The following SNTG2 variants were observed in gnomAD, a reference collection of about 807,000 sequenced individuals.
SNTG2 encodes the protein gamma-2-syntrophin.
SNTG2 carries 74 observed loss-of-function variants against 70.9 expected under a neutral mutation model. That is an observed-to-expected ratio of 1.04 (90% CI 0.86 to 1.27). The LOEUF (loss-of-function observed/expected upper bound fraction) is 1.27. SNTG2 is among the 50% of genes most tolerant of loss of function. The pLI, the probability that SNTG2 is intolerant of heterozygous loss-of-function variation, is 0.00. For synonymous variants in SNTG2, 278 were observed against 273.8 expected (o/e 1.02, Z -0.15); for missense variants, 717 against 690.7 (o/e 1.04, Z -0.43).
chr2:1,018,531 A>G (rs879521133), intron 1 of SNTG2, among the ~76,000 whole-genome samples: 12 of 151,866 alleles, frequency 7.9e-5, no homozygotes, highest in Non-Finnish European at 1.5e-4. Flanking sequence ...GGGAGGGGAG[A>G]GTGCATGGTG....
chr2:1,202,093 C>A (rs900291407), intron 8 of SNTG2, among the ~76,000 whole-genome samples: 1 of 152,016 alleles, frequency 6.6e-6, no homozygotes, highest in African/African-American at 2.4e-5. Context: ...GGACATTAAA[C>A]CACGTGGAAA....
intron 1 of SNTG2, among the ~76,000 whole-genome samples, chr2:957,666 G>A (rs915941404): frequency 6.6e-6 from 1 of 152,058 alleles, no homozygotes; most frequent in Non-Finnish European, 1.5e-5. Context: ...CTATAGATGA[G>A]GTCGGGCAAC....
intron 11 of SNTG2, among the ~76,000 whole-genome samples, chr2:1,241,265 C>T (rs914910080): frequency 1.3e-5 from 2 of 152,176 alleles, no homozygotes; most frequent in Non-Finnish European, 2.9e-5. Context: ...CGTCCTCTCC[C>T]GACCCTCAGA....
At chr2:1,145,902 T>C (rs1426242659) in intron 6 of SNTG2, among the ~76,000 whole-genome samples, 1 of 152,188 alleles carries the variant, frequency 6.6e-6, no homozygotes, top group Admixed American at 6.5e-5. Flanking sequence ...AGTTCAGCAT[T>C]TGGAAATTAA....
At chr2:1,140,847 A>G (rs34506148) in intron 6 of SNTG2, among the ~76,000 whole-genome samples, 20,018 of 108,712 alleles carry the variant, frequency 0.18, 1,690 homozygotes, top group East Asian at 0.28. Flanking sequence ...ACCTAATTGG[A>G]AAAAAAAAGT....
intron 12 of SNTG2, among the ~76,000 whole-genome samples, chr2:1,249,754 A>C (rs1044430261): frequency 8.5e-5 from 13 of 152,210 alleles, no homozygotes; most frequent in African/African-American, 2.7e-4. Context: ...ATGTATCTAA[A>C]TTTTAAGTTG....
intron 8 of SNTG2, among the ~76,000 whole-genome samples, chr2:1,192,992 T>C (rs1672693676): frequency 6.6e-6 from 1 of 152,188 alleles, no homozygotes; most frequent in Non-Finnish European, 1.5e-5. Context: ...CTAGTCCATG[T>C]GAAAGGCTCA....
chr2:1,217,709 G>C (rs571836118), intron 9 of SNTG2, among the ~76,000 whole-genome samples: 3 of 152,118 alleles, frequency 2.0e-5, no homozygotes, highest in Non-Finnish European at 4.4e-5. Context: ...GTACATTTCT[G>C]TTATGTAGAA....
rs551589531 is a variant in SNTG2 at position 1,279,104 on chromosome 2, CCT to C, written c.1284+11534_1284+11535del. On this transcript the variant is annotated intron_variant, in intron 14 of 16. Coordinates refer to ENST00000308624, the MANE Select transcript of SNTG2 (RefSeq NM_018968.4). ...CCCCTCTGTCAGTGCGCGAATCACC[CCT>C]GTCAGCGCGCGAATCACCCGTCAGT... Among the ~76,000 whole-genome samples the C allele has an allele frequency of 2.6e-4, 39 of 148,898 alleles. 1 individual carries two copies. Among genetic ancestry groups the C allele is most frequent in the South Asian group, 8.7e-4 (4 of 4,606 alleles).
intron 16 of SNTG2, among the ~76,000 whole-genome samples, chr2:1,362,621 A>G (rs78835435): frequency 0.68 from 72,044 of 105,578 alleles, 24,286 homozygotes; most frequent in East Asian, 0.93. Flanking sequence ...GGTCACCGAC[A>G]CTGAGCATTT....
chr2:1,060,476 C>T (rs1662743514), intron 1 of SNTG2, among the ~76,000 whole-genome samples: 1 of 152,152 alleles, frequency 6.6e-6, no homozygotes, highest in Non-Finnish European at 1.5e-5. Flanking sequence ...ATGAGAACCC[C>T]AGCTCCCGGC....
chr2:1,087,101 C>A (rs1329888556), intron 2 of SNTG2, among the ~76,000 whole-genome samples: 1 of 152,098 alleles, frequency 6.6e-6, no homozygotes, highest in African/African-American at 2.4e-5. Flanking sequence ...GTCAAGGAGG[C>A]AGGGCTGACA....
At chr2:1,263,861 G>A (rs1678582591) in intron 13 of SNTG2, among the ~76,000 whole-genome samples, 1 of 152,128 alleles carries the variant, frequency 6.6e-6, no homozygotes, top group Admixed American at 6.5e-5. Context: ...AGATCAAACA[G>A]CTAATACTGG....
At chr2:1,150,928 C>T (rs1470475249) in intron 6 of SNTG2, among the ~76,000 whole-genome samples, 1 of 152,178 alleles carries the variant, frequency 6.6e-6, no homozygotes, top group Non-Finnish European at 1.5e-5. Flanking sequence ...AACCGAGCTC[C>T]AACCCCACAG....
chr2:997,984 C>G (rs1661748554), intron 1 of SNTG2, among the ~76,000 whole-genome samples: 2 of 152,146 alleles, frequency 1.3e-5, no homozygotes, highest in Non-Finnish European at 2.9e-5. Flanking sequence ...GGCTGTTAGC[C>G]TACTCACCTG....
intron 6 of SNTG2, among the ~76,000 whole-genome samples, chr2:1,156,807 C>T (rs186848785): frequency 1.6e-4 from 24 of 152,120 alleles, no homozygotes; most frequent in Admixed American, 1.2e-3. Flanking sequence ...AGGAAATGAA[C>T]GGGCCTGCGG....
chr2:1,208,279 G>A (rs547107950), intron 8 of SNTG2, among the ~76,000 whole-genome samples: 2 of 75,298 alleles, frequency 2.7e-5, no homozygotes, highest in Non-Finnish European at 5.4e-5. Flanking sequence ...TGAGTGTGGG[G>A]CACACCTGTG....
intron 16 of SNTG2, among the ~76,000 whole-genome samples, chr2:1,323,622 A>G (rs1056714476): frequency 1.3e-5 from 2 of 150,044 alleles, no homozygotes; most frequent in Non-Finnish European, 3.0e-5. Context: ...CATGGGTAAC[A>G]GTCACATGGC....
rs372622415 is a variant in SNTG2, at chr2:1,001,087, C to G, written c.72+50019C>G. Among the ~76,000 whole-genome samples the G allele has an allele frequency of 5.9e-5, 9 of 152,028 alleles. No homozygotes were observed. In the East Asian group the frequency reaches 1.2e-3, roughly 20 times the overall value. On this transcript the variant is annotated intron_variant, in intron 1 of 16. Transcript: ENST00000308624. ...TCCAACATCCCTTCATAATAAAACC[C>G]TGAACAAGCTAGGTATTGAAGGAAC...
Sources: allele counts gnomAD v4.1 joint callset (sites outside exome capture counted in the v4.1 genomes callset), GRCh38; gene constraint gnomAD v4.1.1; transcripts MANE v1.5; gene names NCBI Gene and HGNC (gene_info 2026-07-23, HGNC 2026-07-21).